Variants in NTNG1 observed in about 807,000 individuals in gnomAD.
The protein encoded by NTNG1 is netrin-G1.
NTNG1 carries 16 observed loss-of-function variants against 54.0 expected under a neutral mutation model. The ratio of observed to expected loss-of-function variants is 0.30; its 90% CI spans 0.20 to 0.45. The LOEUF is 0.45. NTNG1 is among the 20% of genes least tolerant of loss of function. The pLI is 1.00. For synonymous variants in NTNG1, 255 were observed against 263.1 expected, an observed-to-expected ratio of 0.97 and a Z score of 0.30; for missense variants, 530 against 678.7, an observed-to-expected ratio of 0.78 and a Z score of 2.43.
chr1:107,219,323 A>G (rs905284312), intron 2 of NTNG1, among the ~76,000 whole-genome samples: 6 of 151,974 alleles, frequency 3.9e-5, no homozygotes, highest in African/African-American at 1.5e-4. Flanking sequence ...AGTATCCTGT[A>G]CTATGTTTTT....
intron 7 of NTNG1, among the ~76,000 whole-genome samples, chr1:107,438,875 A>G (rs1375960723): frequency 3.9e-5 from 6 of 152,206 alleles, no homozygotes. Context: ...CATACAAATC[A>G]TAAAACCCTC....
At chr1:107,421,929 A>G (rs1674597806) in intron 5 of NTNG1, among the ~76,000 whole-genome samples, 1 of 152,060 alleles carries the variant, frequency 6.6e-6, no homozygotes, top group Admixed American at 6.6e-5. Context: ...AAATGCATTT[A>G]TTAATAAAAT....
chr1:107,247,257 T>C (rs76866557), intron 2 of NTNG1, among the ~76,000 whole-genome samples: 2,450 of 152,284 alleles, frequency 0.016, 49 homozygotes, highest in East Asian at 0.081. Context: ...AATCATTACT[T>C]AATTAGCTGG....
chr1:107,477,715 C>G (rs1328200), intron 7 of NTNG1, among the ~76,000 whole-genome samples: 1 of 81,778 alleles, frequency 1.2e-5, no homozygotes, highest in African/African-American at 5.1e-5. Flanking sequence ...TTTGTAAATA[C>G]GTTTTTTGTA....
rs1333534287 is a variant in NTNG1 at position 107,324,905 on chromosome 1, C to T, written c.870C>T (p.Asp290=). The T allele has an allele frequency of 6.2e-7, 1 of 1,610,120 alleles. No individual in the cohort carries two copies. Among genetic ancestry groups the T allele is most frequent in the Non-Finnish European group, 8.5e-7 (1 of 1,177,530 alleles). The change falls in exon 3 of 8, where the codon GAC becomes GAT. Residue 290 remains aspartate, a synonymous_variant. Coordinates refer to ENST00000370068, the MANE Select transcript of NTNG1 (RefSeq NM_001113226.3). ...CACGCTACTTTTACGCGATCTCAGACATAAAGGTGCGAGGAAGGTAAGAGA... is the reference window on the plus strand; with the variant it reads ...CACGCTACTTTTACGCGATCTCAGATATAAAGGTGCGAGGAAGGTAAGAGA... The part of the protein sequence containing the change: ...HLARYFYAIS[D]IKVRGRCKCN...
At chr1:107,304,700 C>A (rs1454344692) in intron 2 of NTNG1, among the ~76,000 whole-genome samples, 4 of 151,606 alleles carry the variant, frequency 2.6e-5, no homozygotes, top group Admixed American at 2.6e-4. Flanking sequence ...TCCTTCCCAA[C>A]CATGAAAAAC....
chr1:107,374,450 C>T (rs1028203312), intron 3 of NTNG1, among the ~76,000 whole-genome samples: 7 of 152,020 alleles, frequency 4.6e-5, no homozygotes, highest in Non-Finnish European at 8.8e-5. Context: ...CTCTATGTTT[C>T]ATTTTAAACC....
intron 2 of NTNG1, among the ~76,000 whole-genome samples, chr1:107,198,921 T>C (rs10494063): frequency 0.044 from 6,649 of 151,940 alleles, 465 homozygotes; most frequent in African/African-American, 0.15. Flanking sequence ...TGATTTTGAC[T>C]TAAAGATATT....
At chr1:107,430,144 T>C (rs919777782) in intron 5 of NTNG1, among the ~76,000 whole-genome samples, 1 of 152,162 alleles carries the variant, frequency 6.6e-6, no homozygotes, top group Non-Finnish European at 1.5e-5. Flanking sequence ...AGATTTGGTC[T>C]GAAGAAAGGC....
rs11389964 is a variant in NTNG1 at position 107,401,688 on chromosome 1, G to GTT, written c.1061-5981_1061-5980dup. 1.2e-3 allele frequency among the ~76,000 whole-genome samples: 176 copies of GTT among 145,560 alleles called. 1 individual carries two copies. The highest frequency in any genetic ancestry group is 4.8e-3 in the South Asian group (22 of 4,570). On this transcript the variant is annotated intron_variant, in intron 4 of 7. Coordinates refer to ENST00000370068, the MANE Select transcript of NTNG1 (RefSeq NM_001113226.3). ...GTTGAAAAAAATTTTAATTTTCATA[G>GTT]TTTTTTTTTTTTTTAATTTGAGGGC...
chr1:107,454,193 G>A (rs890103811), intron 7 of NTNG1, among the ~76,000 whole-genome samples: 4 of 152,098 alleles, frequency 2.6e-5, no homozygotes, highest in African/African-American at 4.8e-5. Flanking sequence ...AGAGACTTTA[G>A]GATAAAAGCA....
intron 4 of NTNG1, among the ~76,000 whole-genome samples, chr1:107,404,751 G>T (rs1467562197): frequency 6.6e-6 from 1 of 152,080 alleles, no homozygotes. Context: ...TGTACAAAAT[G>T]CTATGGGATC....
At position 107,482,516 on chromosome 1, in the gene NTNG1, C is replaced by G. The variant is rs1415087719; in HGVS notation, c.*1676C>G. On this transcript the variant is annotated 3_prime_UTR_variant, in exon 8 of 8. Transcript: ENST00000370068. ...TTGCAAAGTTTCAAAGAGGCTAAGACAGTGTGCATTTCGTTCCCAGCACAC... is the reference window on the plus strand; with the variant it reads ...TTGCAAAGTTTCAAAGAGGCTAAGAGAGTGTGCATTTCGTTCCCAGCACAC... 6.6e-6 allele frequency: 1 copy of G among 152,224 alleles called. No individual in the cohort carries two copies. Among genetic ancestry groups the G allele is most frequent in the African/African-American group, 2.4e-5 (1 of 41,462 alleles). The allele number at this position is 152,224 out of a possible 1,614,324, so 9.4% of individuals were successfully genotyped here. A position where few individuals can be genotyped will look rare whatever the true frequency, so the allele number is the denominator to read the frequency against.
In NTNG1 at chr1:107,191,112, C is replaced by T. The variant is rs549935882; in HGVS notation, c.246+42273C>T. 1.7e-3 allele frequency among the ~76,000 whole-genome samples: 263 copies of T among 152,250 alleles called. 2 individuals are homozygous for T. The highest frequency in any genetic ancestry group is 6.0e-3 in the African/African-American group (249 of 41,546). ...TGTTGTTTCCTGACTTTTTAATGAT[C>T]GCCATTCTAACCGGTGTGAGATGAT... On this transcript the variant is annotated intron_variant, in intron 2 of 7. Transcript: ENST00000370068.
At chr1:107,455,525 TA>T in intron 7 of NTNG1, 1 of 427,874 alleles carries the variant, frequency 2.3e-6, no homozygotes, top group Admixed American at 2.4e-5. Context: ...ACAGCTGTGT[TA>T]GTGTGCGTAA....
At chr1:107,468,607 C>T (rs1401445784) in intron 7 of NTNG1, among the ~76,000 whole-genome samples, 1 of 152,098 alleles carries the variant, frequency 6.6e-6, no homozygotes, top group Non-Finnish European at 1.5e-5. Flanking sequence ...GGTTTCTCAC[C>T]TCGGCTGTAC....
chr1:107,319,867 A>T (rs112227808), intron 2 of NTNG1, among the ~76,000 whole-genome samples: 10 of 79,052 alleles, frequency 1.3e-4, no homozygotes, highest in East Asian at 4.6e-4. Context: ...CCTGAGGTTT[A>T]TATATATATA....
chr1:107,380,849 C>T (rs1470769316), intron 3 of NTNG1, among the ~76,000 whole-genome samples: 4 of 152,136 alleles, frequency 2.6e-5, no homozygotes, highest in African/African-American at 9.7e-5. Context: ...CTCCACACTA[C>T]TGTTAAATAT....
chr1:107,310,778 T>C (rs1356275258), intron 2 of NTNG1, among the ~76,000 whole-genome samples: 3 of 152,078 alleles, frequency 2.0e-5, no homozygotes, highest in Non-Finnish European at 4.4e-5. Context: ...TTTAGTTCAG[T>C]GGGCCCTGAA....
Sources: allele counts gnomAD v4.1 joint callset (sites outside exome capture counted in the v4.1 genomes callset), GRCh38; gene constraint gnomAD v4.1.1; transcripts MANE v1.5; gene names NCBI Gene and HGNC (gene_info 2026-07-23, HGNC 2026-07-21).